ABAT: variants seen among roughly 807,000 people sequenced by gnomAD.
The protein encoded by ABAT is 4-aminobutyrate aminotransferase, mitochondrial.
Under a neutral mutation model 64.6 loss-of-function variants are expected in ABAT, and 45 were observed. The ratio of observed to expected loss-of-function variants is 0.70; its 90% CI spans 0.55 to 0.89. ABAT has a LOEUF of 0.89. Ranked by LOEUF, ABAT falls within the 40% of genes least tolerant of loss-of-function variation. ABAT has a pLI of 0.00. For missense variants in ABAT, 633 were observed against 658.4 expected, an observed-to-expected ratio of 0.96 and a Z score of 0.42; for synonymous variants, 297 against 250.5, an observed-to-expected ratio of 1.19 and a Z score of -1.75.
chr16:8,703,171 G>C (rs370962547), intron 1 of ABAT, among the ~76,000 whole-genome samples: 10 of 152,126 alleles, frequency 6.6e-5, no homozygotes, highest in African/African-American at 2.4e-4. Context: ...TAAGGGCCGG[G>C]TGCAGTGGCT....
At chr16:8,713,642 C>G (rs2058130217) in intron 1 of ABAT, 3 of 325,830 alleles carry the variant, frequency 9.2e-6, no homozygotes, top group Admixed American at 7.9e-5. Context: ...TTTCCCAAAC[C>G]TGCTCTGCTT....
At chr16:8,709,723 G>C (rs2058027403) in intron 1 of ABAT, among the ~76,000 whole-genome samples, 1 of 152,134 alleles carries the variant, frequency 6.6e-6, no homozygotes. Flanking sequence ...TAGAAAGTAG[G>C]AATGGTTAAG....
intron 1 of ABAT, chr16:8,720,980 G>GT (rs779705067): frequency 3.3e-5 from 5 of 152,238 alleles, no homozygotes; most frequent in African/African-American, 7.2e-5. Flanking sequence ...AGCATTTACT[G>GT]TTTATTCAAT....
At chr16:8,730,518 C>G (rs1334012979) in intron 1 of ABAT, among the ~76,000 whole-genome samples, 2 of 152,164 alleles carry the variant, frequency 1.3e-5, no homozygotes, top group Non-Finnish European at 1.5e-5. Context: ...GCCCTGTTCT[C>G]TCTCCTTGGA....
chr16:8,676,102 G>A (rs1399049279), intron 1 of ABAT, among the ~76,000 whole-genome samples: 1 of 152,172 alleles, frequency 6.6e-6, no homozygotes, highest in Non-Finnish European at 1.5e-5. Context: ...GAGAGAGGGA[G>A]GCAGTGAGTT....
intron 1 of ABAT, among the ~76,000 whole-genome samples, chr16:8,693,436 A>T (rs1567272676): frequency 6.6e-6 from 1 of 152,138 alleles, no homozygotes; most frequent in African/African-American, 2.4e-5. Flanking sequence ...AATCCATGTT[A>T]TTGAAGGGAA....
At chr16:8,727,468 C>G (rs1475706964) in intron 1 of ABAT, among the ~76,000 whole-genome samples, 4 of 152,288 alleles carry the variant, frequency 2.6e-5, no homozygotes, top group African/African-American at 9.6e-5. Context: ...AGATGCAGCT[C>G]AGGCAACACC....
chr16:8,680,404 C>T lies in ABAT; in HGVS notation c.-42+5693C>T, dbSNP rs549304811. 3.3e-5 allele frequency among the ~76,000 whole-genome samples: 5 copies of T among 152,176 alleles called. No homozygotes were observed. The South Asian group carries it at 8.3e-4, about 25-fold the overall frequency. ...TAAAATACACATAACATGAAATTGA[C>T]CATTTTCATCATTTTATTTTTATGT... On this transcript the variant is annotated intron_variant, in intron 1 of 15. Coordinates refer to ENST00000268251, the MANE Select transcript of ABAT (RefSeq NM_020686.6).
At chr16:8,729,211 AGGATGGCCT>A (rs2058647249) in intron 1 of ABAT, among the ~76,000 whole-genome samples, 2 of 151,906 alleles carry the variant, frequency 1.3e-5, no homozygotes, top group African/African-American at 4.8e-5. Flanking sequence ...GGGAGGTGGC[AGGATGGCCT>A]GACCCTGGGG....
intron 5 of ABAT, among the ~76,000 whole-genome samples, chr16:8,754,666 ATTTATTTCTTTC>A (rs1253426441): frequency 8.6e-4 from 10 of 11,630 alleles, no homozygotes; most frequent in African/African-American, 1.2e-3. Context: ...AAGTTGATTT[ATTTATTTCTTTC>A]TTTCTTTCTT....
intron 6 of ABAT, among the ~76,000 whole-genome samples, chr16:8,761,317 C>T (rs568680677): frequency 4.1e-4 from 63 of 152,160 alleles, no homozygotes; most frequent in African/African-American, 1.4e-3. Flanking sequence ...CCCTTCTCAC[C>T]CCCTCCAAAC....
chr16:8,751,911 G>A (rs897452517), intron 5 of ABAT, among the ~76,000 whole-genome samples: 3 of 152,236 alleles, frequency 2.0e-5, no homozygotes, highest in African/African-American at 4.8e-5. Flanking sequence ...GCTATTTGCA[G>A]CTTGGATGGT....
intron 1 of ABAT, chr16:8,715,227 A>G (rs1322740992): frequency 6.6e-6 from 1 of 152,202 alleles, no homozygotes; most frequent in Non-Finnish European, 1.5e-5. Context: ...TAAAAGGCAA[A>G]AGGGCTGAGA....
At chr16:8,728,517 A>T (rs2058623888) in intron 1 of ABAT, among the ~76,000 whole-genome samples, 1 of 151,984 alleles carries the variant, frequency 6.6e-6, no homozygotes, top group African/African-American at 2.4e-5. Context: ...TCTGTTGCTA[A>T]ATTAATAGGC....
chr16:8,765,233 G>C (rs898873397), intron 8 of ABAT, among the ~76,000 whole-genome samples: 1 of 151,848 alleles, frequency 6.6e-6, no homozygotes, highest in African/African-American at 2.4e-5. Context: ...CTATTCTGGA[G>C]GCTGAGGTGG....
At chr16:8,735,654 G>C (rs1190701705) in intron 1 of ABAT, 45 bp from the exon 2 acceptor site, 1 of 1,465,264 alleles carries the variant, frequency 6.8e-7, no homozygotes, top group East Asian at 2.5e-5. Flanking sequence ...GCTGAGAGGG[G>C]AGTGGTCTTC....
intron 11 of ABAT, among the ~76,000 whole-genome samples, chr16:8,769,557 CAAAAAAAAAAAAA>C (rs35002036): frequency 1.2e-5 from 1 of 86,766 alleles, no homozygotes; most frequent in Non-Finnish European, 2.2e-5. Context: ...AGACTCTGTC[CAAAAAAAAAAAAA>C]AAAAAAAAAG....
At chr16:8,714,941 A>G (rs1335865273) in intron 1 of ABAT, 1 of 152,422 alleles carries the variant, frequency 6.6e-6, no homozygotes, top group Non-Finnish European at 1.5e-5. Context: ...TCTGTCTGCC[A>G]CGACTGCCCT....
At chr16:8,719,054 G>A (rs1177335021) in intron 1 of ABAT, among the ~76,000 whole-genome samples, 11 of 152,166 alleles carry the variant, frequency 7.2e-5, no homozygotes, top group African/African-American at 1.4e-4. Context: ...CGGGAAGTGC[G>A]TTTCCTCCAA....
Sources: gnomAD v4.1 joint callset for allele counts (sites outside exome capture counted in the v4.1 genomes callset) on GRCh38, gnomAD v4.1.1 for gene constraint, MANE v1.5 for transcripts, NCBI Gene and HGNC (gene_info 2026-07-23, HGNC 2026-07-21) for gene names.